The following RSRC2 variants were observed in gnomAD, a reference collection of about 807,000 sequenced individuals.
RSRC2 encodes the protein arginine/serine-rich coiled-coil protein 2.
RSRC2 carries 5 observed loss-of-function variants against 61.3 expected under a neutral mutation model. The observed-to-expected ratio is 0.08, with a 90% CI of 0.04 to 0.17. The LOEUF is 0.17. Among genes scored for constraint, RSRC2 ranks in the 10% least tolerant of loss-of-function variants. The pLI is 1.00. For missense variants in RSRC2, 381 were observed against 518.8 expected, an observed-to-expected ratio of 0.73 and a Z score of 2.58; for synonymous variants, 202 against 166.5, an observed-to-expected ratio of 1.21 and a Z score of -1.64.
intron 5 of RSRC2, among the ~76,000 whole-genome samples, chr12:122,516,150 CTGTAT>C (rs1041215587): frequency 1.7e-4 from 26 of 152,278 alleles, no homozygotes; most frequent in Admixed American, 1.2e-3. Flanking sequence ...AACCAAGTTA[CTGTAT>C]TAAGTACAGG....
chr12:122,505,784 AT>A (rs576425889), intron 9 of RSRC2, 78 bp from the exon 10 acceptor site: 141,741 of 945,406 alleles, frequency 0.15, 2,811 homozygotes, highest in African/African-American at 0.34. Context: ...TTTTTTATGT[AT>A]TTTTTTTTTT....
chr12:122,513,482 CA>C (rs992115314), intron 6 of RSRC2, among the ~76,000 whole-genome samples: 4 of 151,908 alleles, frequency 2.6e-5, no homozygotes, highest in Non-Finnish European at 5.9e-5. Flanking sequence ...ATCTATATAT[CA>C]ATGACATTTT....
At chr12:122,514,564 C>A (rs1958768739) in intron 6 of RSRC2, 3 of 1,034,826 alleles carry the variant, frequency 2.9e-6, no homozygotes, top group African/African-American at 1.8e-5. Context: ...TTGCACCCGG[C>A]CGAAACAGCA....
intron 6 of RSRC2, chr12:122,514,558 AC>A (rs1958767950): frequency 3.1e-6 from 3 of 972,774 alleles, no homozygotes; most frequent in Non-Finnish European, 3.6e-6. Context: ...GACCGATTGC[AC>A]CCGGCCGAAA....
Position 122,517,397 on chromosome 12 carries a change from C to T in RSRC2, c.432G>A (p.Lys144=), listed in dbSNP as rs1959022811. 6.2e-7 allele frequency: 1 copy of T among 1,614,030 alleles called. No homozygotes were observed. Among genetic ancestry groups the T allele is most frequent in the Non-Finnish European group, 8.5e-7 (1 of 1,180,024 alleles). ...TCCGCTCCCTACTCCTGGATCGAGACTTCTTCCGCTCCCTGCTTCTACTAC... is the reference window on the plus strand; with the variant it reads ...TCCGCTCCCTACTCCTGGATCGAGATTTCTTCCGCTCCCTGCTTCTACTAC... ...RHRSRSRERK[K]SRSRSRERKK... The change falls in exon 5 of 10, where the codon AAG becomes AAA. Residue 144 remains lysine (K), a synonymous_variant. Transcript: ENST00000331738.
In RSRC2 at chr12:122,503,659, G is replaced by A. The variant is rs761289864; in HGVS notation, c.*1868C>T. On this transcript the variant is annotated 3_prime_UTR_variant, in exon 10 of 10. Transcript: ENST00000331738. ...TTAATTGAAAAATGTTGATGATCAC[G>A]AAATGAAGGATCCATAGTGTCATTT... The A allele has an allele frequency of 3.9e-5, 6 of 152,180 alleles. No homozygotes were observed. Among genetic ancestry groups the A allele is most frequent in the South Asian group, 4.1e-4 (2 of 4,836 alleles). The allele number at this position is 152,180 out of a possible 1,614,324, so 9.4% of individuals were successfully genotyped here. A position where few individuals can be genotyped will look rare whatever the true frequency, so the allele number is the denominator to read the frequency against.
At chr12:122,521,099 G>A (rs1959195264) in intron 3 of RSRC2, 1 of 322,202 alleles carries the variant, frequency 3.1e-6, no homozygotes, top group South Asian at 5.0e-5. Flanking sequence ...CAGATTAATG[G>A]AAGCTCTGTG....
chr12:122,505,785 T>TA (rs1958075029), intron 9 of RSRC2, 79 bp from the exon 10 acceptor site: 1 of 380,454 alleles, frequency 2.6e-6, no homozygotes, highest in African/African-American at 4.9e-5. Flanking sequence ...TTTTTATGTA[T>TA]TTTTTTTTTT....
Position 122,506,933 on chromosome 12 carries a change from A to G in RSRC2, c.1036-10T>C. The G allele has an allele frequency of 7.1e-7, 1 of 1,411,148 alleles. No homozygotes were observed. The highest frequency in any genetic ancestry group is 2.3e-5 in the East Asian group (1 of 43,804). The allele number at this position is 1,411,148 out of a possible 1,614,324, so 87.4% of individuals were successfully genotyped here. ...CAGATTGGGATTTGTCCTGTTAACAAACACTGAACTTTAAAATATGTAAAA... is the reference window on the plus strand; with the variant it reads ...CAGATTGGGATTTGTCCTGTTAACAGACACTGAACTTTAAAATATGTAAAA... On this transcript the variant is annotated splice_polypyrimidine_tract_variant and intron_variant, in intron 8 of 9. Coordinates refer to ENST00000331738, the MANE Select transcript of RSRC2 (RefSeq NM_023012.6).
intron 6 of RSRC2, chr12:122,514,854 T>C: frequency 1.5e-6 from 1 of 687,050 alleles, no homozygotes; most frequent in Non-Finnish European, 2.1e-6. Context: ...TATTTGGGAG[T>C]CTAAATTTGA....
rs187030728 is a variant in RSRC2 at position 122,525,680 on chromosome 12, T to A, written c.6+1168A>T. On this transcript the variant is annotated intron_variant, in intron 1 of 9. Coordinates refer to ENST00000331738, the MANE Select transcript of RSRC2 (RefSeq NM_023012.6). ...TCTTTACATTTTCCTTTTAACGGAA[T>A]AAAAATGAGGTAAGCACAAAATAAT... Among the ~76,000 whole-genome samples the A allele has an allele frequency of 2.6e-5, 4 of 152,210 alleles. No individual in the cohort carries two copies. In the East Asian group the frequency reaches 7.7e-4, roughly 29 times the overall value.
intron 8 of RSRC2, 30 bp from the exon 9 acceptor site, chr12:122,506,953 G>A (rs770830313): frequency 2.5e-6 from 3 of 1,221,036 alleles, no homozygotes; most frequent in Non-Finnish European, 3.6e-6. Context: ...TTTAAAATAT[G>A]TAAAATTTAA....
At chr12:122,520,649 C>G in intron 3 of RSRC2, 2 of 1,132,844 alleles carry the variant, frequency 1.8e-6, no homozygotes, top group South Asian at 2.5e-5. Flanking sequence ...CACAAAAACT[C>G]TCCTAAATTA....
chr12:122,519,244 T>C (rs1046937216), intron 3 of RSRC2: 2 of 494,862 alleles, frequency 4.0e-6, no homozygotes, highest in Middle Eastern at 5.5e-4. Flanking sequence ...CTCCCCAAAA[T>C]ATTTTCAATA....
At chr12:122,522,028 C>T in intron 2 of RSRC2, 115 bp downstream of exon 2, 1 of 1,098,962 alleles carries the variant, frequency 9.1e-7, no homozygotes, top group Non-Finnish European at 1.3e-6. Flanking sequence ...GCTGGCATTA[C>T]AGGCTTGAGC....
intron 8 of RSRC2, chr12:122,507,150 G>A (rs1190674893): frequency 3.8e-6 from 2 of 527,196 alleles, no homozygotes; most frequent in African/African-American, 1.9e-5. Context: ...GGCCGAGGTG[G>A]GCAAATCACC....
intron 8 of RSRC2, chr12:122,507,905 A>G (rs1221861514): frequency 2.5e-6 from 1 of 394,476 alleles, no homozygotes; most frequent in Non-Finnish European, 4.8e-6. Flanking sequence ...GGCTCAAGCG[A>G]TTCTCCTGCC....
At chr12:122,513,040 CA>C (rs1958641155) in intron 6 of RSRC2, among the ~76,000 whole-genome samples, 1 of 151,406 alleles carries the variant, frequency 6.6e-6, no homozygotes. Context: ...AAAAAGAAAA[CA>C]AAAATTAGCT....
chr12:122,508,192 C>T (rs756115110), intron 8 of RSRC2, 26 bp downstream of exon 8: 7 of 1,585,038 alleles, frequency 4.4e-6, no homozygotes, highest in Non-Finnish European at 6.1e-6. Flanking sequence ...GAATAAACGA[C>T]AGAAAAGCAG....
Sources: gnomAD v4.1 joint callset for allele counts (sites outside exome capture counted in the v4.1 genomes callset) on GRCh38, gnomAD v4.1.1 for gene constraint, MANE v1.5 for transcripts, NCBI Gene and HGNC (gene_info 2026-07-23, HGNC 2026-07-21) for gene names.